The following ELAVL4 variants were observed in gnomAD, a reference collection of about 807,000 sequenced individuals.
The protein encoded by ELAVL4 is ELAV-like protein 4.
A neutral mutation model predicts 35.6 loss-of-function variants in ELAVL4; 1 was observed. The observed-to-expected ratio is 0.03, with a 90% confidence interval of 0.01 to 0.13. The LOEUF is 0.13. ELAVL4 is among the 10% of genes least tolerant of loss of function. The pLI, the probability that ELAVL4 is intolerant of heterozygous loss-of-function variation, is 1.00. For missense variants in ELAVL4, 267 were observed against 464.9 expected (o/e 0.57, Z 3.91); for synonymous variants, 156 against 171.0 (o/e 0.91, Z 0.69).
upstream of ELAVL4, among the ~76,000 whole-genome samples, chr1:50,100,464 A>G (rs1392976975): frequency 6.6e-6 from 1 of 152,148 alleles, no homozygotes; most frequent in Non-Finnish European, 1.5e-5. Flanking sequence ...TTCTTATATG[A>G]AAAATATTCT....
intron 1 of ELAVL4, among the ~76,000 whole-genome samples, chr1:50,141,384 T>C (rs910546134): frequency 2.0e-5 from 3 of 152,208 alleles, no homozygotes; most frequent in African/African-American, 7.2e-5. Context: ...AATGTAGTAG[T>C]CCGGCCTCCT....
intron 2 of ELAVL4, among the ~76,000 whole-genome samples, chr1:50,159,571 T>G (rs1038284070): frequency 6.6e-6 from 1 of 151,788 alleles, no homozygotes. Flanking sequence ...ATCACACCAC[T>G]GCACTCCAGC....
intron 1 of ELAVL4, among the ~76,000 whole-genome samples, chr1:50,135,802 C>T (rs1420070976): frequency 2.0e-5 from 3 of 152,120 alleles, no homozygotes; most frequent in African/African-American, 7.2e-5. Context: ...GCAGAAGCTA[C>T]AGAAACATGG....
At chr1:50,144,635 T>A in intron 1 of ELAVL4, 1 of 512,052 alleles carries the variant, frequency 2.0e-6, no homozygotes, top group Admixed American at 2.4e-5. Context: ...TAATTATAAT[T>A]TGGTGTGGCT....
intron 1 of ELAVL4, among the ~76,000 whole-genome samples, chr1:50,142,603 A>T (rs1050438856): frequency 6.6e-6 from 1 of 152,158 alleles, no homozygotes; most frequent in African/African-American, 2.4e-5. Flanking sequence ...AAAAACAAAA[A>T]CAAAAAATAG....
intron 1 of ELAVL4, among the ~76,000 whole-genome samples, chr1:50,132,120 G>T (rs1295806942): frequency 6.6e-6 from 1 of 152,024 alleles, no homozygotes; most frequent in Admixed American, 6.6e-5. Context: ...TTTCTACTTT[G>T]CTTGCTTCTT....
intron 2 of ELAVL4, among the ~76,000 whole-genome samples, chr1:50,159,553 G>A (rs1191261450): frequency 6.6e-6 from 1 of 151,900 alleles, no homozygotes; most frequent in Non-Finnish European, 1.5e-5. Context: ...AGGTTGCAGT[G>A]AGCTGAGATC....
chr1:50,073,796 A>G (rs939621022), intron 1 of ELAVL4, among the ~76,000 whole-genome samples: 4 of 129,028 alleles, frequency 3.1e-5, no homozygotes, highest in African/African-American at 1.2e-4. Context: ...GCCATAACTA[A>G]CTAGATACGC....
intron 1 of ELAVL4, among the ~76,000 whole-genome samples, chr1:50,067,480 T>C (rs1197651142): frequency 6.6e-6 from 1 of 152,162 alleles, no homozygotes; most frequent in Non-Finnish European, 1.5e-5. Flanking sequence ...GTAGGGAAGA[T>C]ATATGTATGT....
chr1:50,155,839 T>C (rs1675632613), intron 2 of ELAVL4, among the ~76,000 whole-genome samples: 1 of 152,190 alleles, frequency 6.6e-6, no homozygotes, highest in Admixed American at 6.5e-5. Flanking sequence ...TCTCATATCC[T>C]GGTCCTAACT....
intron 1 of ELAVL4, among the ~76,000 whole-genome samples, chr1:50,069,475 T>A (rs1471903387): frequency 6.6e-6 from 1 of 152,224 alleles, no homozygotes; most frequent in Non-Finnish European, 1.5e-5. Flanking sequence ...GTGATCTATT[T>A]GTTTGATTTA....
intron 1 of ELAVL4, among the ~76,000 whole-genome samples, chr1:50,097,868 C>A (rs1665785795): frequency 2.0e-5 from 3 of 152,132 alleles, no homozygotes; most frequent in African/African-American, 7.2e-5. Context: ...ATTAAGATTA[C>A]TGTTCTAAGT....
At chr1:50,170,250 C>A (rs1678751036) in intron 2 of ELAVL4, among the ~76,000 whole-genome samples, 2 of 152,170 alleles carry the variant, frequency 1.3e-5, no homozygotes, top group Non-Finnish European at 2.9e-5. Context: ...CACTTTTAAT[C>A]CTCCTATTAA....
chr1:50,172,034 G>A (rs894009496), intron 2 of ELAVL4, among the ~76,000 whole-genome samples: 29 of 152,306 alleles, frequency 1.9e-4, no homozygotes, highest in African/African-American at 6.7e-4. Flanking sequence ...TGCCTCCTCA[G>A]GGGCTTTGTA....
chr1:50,127,893 A>C (rs182999237), intron 1 of ELAVL4, among the ~76,000 whole-genome samples: 1 of 152,278 alleles, frequency 6.6e-6, no homozygotes, highest in East Asian at 1.9e-4. Context: ...TGGATGTAGA[A>C]GTGATTATGT....
chr1:50,106,194 G>A, upstream of ELAVL4: 1 of 862,692 alleles, frequency 1.2e-6, no homozygotes, highest in South Asian at 1.7e-5. Flanking sequence ...TCCACTGCGC[G>A]GAGTAGGTAG....
At chr1:50,147,433 C>T (rs1008549350) in intron 2 of ELAVL4, among the ~76,000 whole-genome samples, 3 of 152,182 alleles carry the variant, frequency 2.0e-5, no homozygotes, top group African/African-American at 7.2e-5. Context: ...CCTCCATCCA[C>T]CCGTTGTTCA....
chr1:50,153,301 T>C (rs1443251737), intron 2 of ELAVL4, among the ~76,000 whole-genome samples: 1 of 152,252 alleles, frequency 6.6e-6, no homozygotes, highest in Non-Finnish European at 1.5e-5. Flanking sequence ...TTTGATGGAA[T>C]GCCTACTGCG....
chr1:50,133,248 A>G (rs1179702435), intron 1 of ELAVL4, among the ~76,000 whole-genome samples: 1 of 152,168 alleles, frequency 6.6e-6, no homozygotes, highest in Admixed American at 6.6e-5. Flanking sequence ...AGATGTGCCA[A>G]TTTATCCTTA....
Sources: gnomAD v4.1 joint callset for allele counts (sites outside exome capture counted in the v4.1 genomes callset) on GRCh38, gnomAD v4.1.1 for gene constraint, MANE v1.5 for transcripts, NCBI Gene and HGNC (gene_info 2026-07-23, HGNC 2026-07-21) for gene names.